Variants in LMX1A observed in about 807,000 individuals in gnomAD.
LMX1A encodes the protein LIM homeobox transcription factor 1-alpha.
In LMX1A, 15 loss-of-function variants were observed where a neutral mutation model predicts 49.1. The ratio of observed to expected loss-of-function variants is 0.31; its 90% CI spans 0.20 to 0.47. The LOEUF (loss-of-function observed/expected upper bound fraction) is 0.47. Among genes scored for constraint, LMX1A ranks in the 20% least tolerant of loss-of-function variants. The pLI, the probability that LMX1A is intolerant of heterozygous loss-of-function variation, is 1.00. For synonymous variants in LMX1A, 167 were observed against 185.7 expected, an observed-to-expected ratio of 0.90 and a Z score of 0.82; for missense variants, 372 against 475.8, an observed-to-expected ratio of 0.78 and a Z score of 2.03.
intron 3 of LMX1A, among the ~76,000 whole-genome samples, chr1:165,323,161 T>A (rs186574507): frequency 6.6e-6 from 1 of 152,294 alleles, no homozygotes; most frequent in Admixed American, 6.5e-5. Flanking sequence ...ACGTGTAAAA[T>A]GAGTAGTCAA....
chr1:165,213,750 T>C lies in LMX1A; in HGVS notation c.560A>G (p.Glu187Gly). The C allele has an allele frequency of 3.1e-6, 5 of 1,614,204 alleles. No individual in the cohort carries two copies. Among genetic ancestry groups the C allele is most frequent in the Non-Finnish European group, 3.4e-6 (4 of 1,180,026 alleles). Residue 187 changes from glutamate to glycine, a missense_variant, in exon 5 of 9, where the codon GAG becomes GGG. Glu to Gly is a moderately conservative substitution (Grantham distance 98, BLOSUM62 -2). This residue lies in a region of LMX1A where 199 missense variants were observed against 244.0 expected (regional missense o/e 0.82). Transcript: ENST00000342310. ...SAHGAGKGTA[E>G]EGKDHKRPKR... ...GGGGCGCTTATGGTCCTTGCCTTCC[T>C]CAGCAGTTCCTTTCCCTGCCCCATG...
At chr1:165,302,152 A>G (rs2101725753) in intron 3 of LMX1A, among the ~76,000 whole-genome samples, 1 of 146,696 alleles carries the variant, frequency 6.8e-6, no homozygotes, top group East Asian at 2.1e-4. Flanking sequence ...AAAGAAGAGA[A>G]TGAGGCTGGG....
At chr1:165,233,319 G>A (rs188172883) in intron 4 of LMX1A, among the ~76,000 whole-genome samples, 1 of 152,200 alleles carries the variant, frequency 6.6e-6, no homozygotes, top group Non-Finnish European at 1.5e-5. Flanking sequence ...GCCAGACATG[G>A]TGGTACACAC....
intron 3 of LMX1A, among the ~76,000 whole-genome samples, chr1:165,319,666 A>G (rs1240669968): frequency 6.6e-6 from 1 of 152,168 alleles, no homozygotes; most frequent in Non-Finnish European, 1.5e-5. Flanking sequence ...ATGTTAAATG[A>G]AAATAGATGT....
chr1:165,264,696 C>A (rs185800454), intron 3 of LMX1A, among the ~76,000 whole-genome samples: 30 of 152,230 alleles, frequency 2.0e-4, no homozygotes, highest in African/African-American at 7.0e-4. Context: ...GTGGCTCATG[C>A]CTATAATCCC....
At chr1:165,253,846 C>A (rs536877718) in intron 3 of LMX1A, among the ~76,000 whole-genome samples, 2 of 152,132 alleles carry the variant, frequency 1.3e-5, no homozygotes, top group Admixed American at 1.3e-4. Context: ...CCTGTCCTCT[C>A]GCCCAGTGTG....
chr1:165,208,851 G>A (rs1434231670), intron 6 of LMX1A, among the ~76,000 whole-genome samples: 1 of 152,140 alleles, frequency 6.6e-6, no homozygotes, highest in African/African-American at 2.4e-5. Flanking sequence ...GTTTCACCAT[G>A]TTAGCCAGGA....
chr1:165,290,302 C>G (rs1654426229), intron 3 of LMX1A, among the ~76,000 whole-genome samples: 1 of 152,222 alleles, frequency 6.6e-6, no homozygotes, highest in African/African-American at 2.4e-5. Flanking sequence ...ACAAAGATAT[C>G]AGCAGAGCTA....
intron 3 of LMX1A, among the ~76,000 whole-genome samples, chr1:165,293,479 AG>A (rs1654535027): frequency 6.6e-6 from 1 of 152,244 alleles, no homozygotes; most frequent in Non-Finnish European, 1.5e-5. Flanking sequence ...GACCTTTTCC[AG>A]CTCTGTAAGG....
intron 4 of LMX1A, among the ~76,000 whole-genome samples, chr1:165,230,506 A>G (rs1364884855): frequency 6.6e-6 from 1 of 152,138 alleles, no homozygotes; most frequent in Non-Finnish European, 1.5e-5. Context: ...ATCCCTACAT[A>G]TTAGACAATA....
intron 4 of LMX1A, among the ~76,000 whole-genome samples, chr1:165,230,808 T>G (rs1652214014): frequency 6.6e-6 from 1 of 152,210 alleles, no homozygotes; most frequent in South Asian, 2.1e-4. Flanking sequence ...TTCAAGTCTC[T>G]TGGCTCAGGT....
chr1:165,227,358 C>T (rs1263444245), intron 4 of LMX1A, among the ~76,000 whole-genome samples: 6 of 151,952 alleles, frequency 3.9e-5, no homozygotes, highest in South Asian at 2.1e-4. Flanking sequence ...GGCAACATGG[C>T]GAAACCCCAT....
intron 3 of LMX1A, among the ~76,000 whole-genome samples, chr1:165,289,813 G>A (rs1039888649): frequency 6.6e-6 from 1 of 152,220 alleles, no homozygotes; most frequent in African/African-American, 2.4e-5. Context: ...TCTGATAGGA[G>A]TACTGTGCAA....
intron 3 of LMX1A, among the ~76,000 whole-genome samples, chr1:165,280,946 T>C (rs1654129268): frequency 6.6e-6 from 1 of 152,122 alleles, no homozygotes; most frequent in Non-Finnish European, 1.5e-5. Flanking sequence ...AGAGACCAGA[T>C]TATGATCCTG....
At chr1:165,277,722 A>G (rs1188007047) in intron 3 of LMX1A, among the ~76,000 whole-genome samples, 4 of 152,074 alleles carry the variant, frequency 2.6e-5, no homozygotes, top group Non-Finnish European at 5.9e-5. Flanking sequence ...CTCAACTCCT[A>G]CAGCTCCACA....
At chr1:165,268,088 A>G (rs1190518175) in intron 3 of LMX1A, among the ~76,000 whole-genome samples, 1 of 152,192 alleles carries the variant, frequency 6.6e-6, no homozygotes, top group African/African-American at 2.4e-5. Flanking sequence ...TTCCACAAGT[A>G]AATGAGAGGG....
At position 165,334,291 on chromosome 1, in the gene LMX1A, A is replaced by C. The variant is rs141987703; in HGVS notation, c.263+18785T>G. The stretch of plus-strand genomic sequence containing the variant: ...AAGGCACAAGCAAAAATGAATAGAC[A>C]CAGAATATTCTAGCAATACAATCAC... On this transcript the variant is annotated intron_variant, in intron 3 of 8. Coordinates refer to ENST00000342310, the MANE Select transcript of LMX1A (RefSeq NM_177398.4). Among the ~76,000 whole-genome samples the C allele has an allele frequency of 7.1e-3, 1,080 of 152,338 alleles. 12 individuals carry two copies. Among genetic ancestry groups the C allele is most frequent in the African/African-American group, 0.025 (1,048 of 41,574 alleles).
chr1:165,319,893 G>T (rs1285203996), intron 3 of LMX1A, among the ~76,000 whole-genome samples: 2 of 152,022 alleles, frequency 1.3e-5, no homozygotes, highest in Non-Finnish European at 2.9e-5. Flanking sequence ...TACTTAGCTT[G>T]TAATTCAGTG....
At chr1:165,207,391 G>C (rs1490083575) in intron 7 of LMX1A, 4 of 151,580 alleles carry the variant, frequency 2.6e-5, no homozygotes, top group Middle Eastern at 3.4e-3. Context: ...ATATCACCCT[G>C]ACTTTTTCAA....
Sources: allele counts gnomAD v4.1 joint callset (sites outside exome capture counted in the v4.1 genomes callset), GRCh38; gene constraint gnomAD v4.1.1; regional missense constraint gnomAD v4.1.1; transcripts MANE v1.5; gene names NCBI Gene and HGNC (gene_info 2026-07-23, HGNC 2026-07-21).